The following LOC128092253 variants were observed in gnomAD, a reference collection of about 807,000 sequenced individuals.
At chr6:133,960,901 T>C in the LOC128092253 span, among the ~76,000 whole-genome samples, 2 of 152,194 alleles carry the variant, frequency 1.3e-5, no homozygotes, top group African/African-American at 2.4e-5. Flanking sequence ...ATGCTGAAGG[T>C]CAGTAGGTGT....
the LOC128092253 span, among the ~76,000 whole-genome samples, chr6:133,976,660 G>A: frequency 6.6e-6 from 1 of 152,106 alleles, no homozygotes; most frequent in African/African-American, 2.4e-5. Flanking sequence ...AAAAATACAA[G>A]GGACATGTTA....
the LOC128092253 span, among the ~76,000 whole-genome samples, chr6:133,976,338 A>G: frequency 2.9e-4 from 44 of 152,312 alleles, no homozygotes; most frequent in Admixed American, 7.8e-4. Flanking sequence ...ACAATGTTTC[A>G]GATACGATGT....
chr6:133,962,700 A>G, the LOC128092253 span, among the ~76,000 whole-genome samples: 1 of 152,232 alleles, frequency 6.6e-6, no homozygotes, highest in Non-Finnish European at 1.5e-5. Context: ...AGGCCTGAAA[A>G]GTTTAAAGAG....
the LOC128092253 span, among the ~76,000 whole-genome samples, chr6:133,970,740 A>G: frequency 2.0e-5 from 3 of 151,994 alleles, no homozygotes; most frequent in African/African-American, 7.3e-5. Flanking sequence ...AGCTGGAACC[A>G]CAGGCATGCA....
At chr6:133,975,522 A>C in the LOC128092253 span, among the ~76,000 whole-genome samples, 1 of 152,230 alleles carries the variant, frequency 6.6e-6, no homozygotes, top group Admixed American at 6.5e-5. Flanking sequence ...TTAAAAAAGA[A>C]AAAAGAAATA....
the LOC128092253 span, among the ~76,000 whole-genome samples, chr6:133,977,063 A>T: frequency 6.6e-6 from 1 of 152,018 alleles, no homozygotes; most frequent in African/African-American, 2.4e-5. Flanking sequence ...TAATATGTTT[A>T]GCTTTAGAAA....
chr6:133,970,714 C>T, the LOC128092253 span, among the ~76,000 whole-genome samples: 1 of 151,930 alleles, frequency 6.6e-6, no homozygotes. Flanking sequence ...GTTCAGTGCA[C>T]CTCAGCCTCC....
the LOC128092253 span, among the ~76,000 whole-genome samples, chr6:133,958,092 G>C: frequency 1.3e-5 from 2 of 152,190 alleles, no homozygotes; most frequent in Admixed American, 1.3e-4. Context: ...ATGGCAGATG[G>C]ACTAAGTAAA....
At chr6:133,979,030 A>G in the LOC128092253 span, among the ~76,000 whole-genome samples, 3 of 152,334 alleles carry the variant, frequency 2.0e-5, no homozygotes, top group East Asian at 1.9e-4. Context: ...CGTACTTAGT[A>G]AAAACTGGGG....
chr6:133,954,016 G>A, the LOC128092253 span, among the ~76,000 whole-genome samples: 1 of 152,194 alleles, frequency 6.6e-6, no homozygotes, highest in Non-Finnish European at 1.5e-5. Context: ...TGAATTGTGG[G>A]TAGGGCTAAG....
the LOC128092253 span, among the ~76,000 whole-genome samples, chr6:133,969,274 T>A: frequency 7.0e-6 from 1 of 143,126 alleles, no homozygotes; most frequent in Non-Finnish European, 1.5e-5. Context: ...TTTTTTTTTT[T>A]AGTAAATAGA....
At chr6:133,964,825 A>G in the LOC128092253 span, among the ~76,000 whole-genome samples, 7 of 152,348 alleles carry the variant, frequency 4.6e-5, no homozygotes, top group South Asian at 4.1e-4. Context: ...TGTGCATGAC[A>G]TAGACCTTAA....
the LOC128092253 span, among the ~76,000 whole-genome samples, chr6:133,959,129 T>C: frequency 5.9e-5 from 9 of 152,210 alleles, no homozygotes; most frequent in East Asian, 1.7e-3. Flanking sequence ...AACTTCGGCT[T>C]CCCAGGTTCA....
the LOC128092253 span, among the ~76,000 whole-genome samples, chr6:133,977,410 G>C: frequency 1.3e-5 from 2 of 152,140 alleles, no homozygotes; most frequent in Middle Eastern, 3.4e-3. Context: ...CATTCACACA[G>C]ATTTTCTTTA....
chr6:133,969,251 CTTTTT>C, the LOC128092253 span, among the ~76,000 whole-genome samples: 1 of 122,608 alleles, frequency 8.2e-6, no homozygotes, highest in Non-Finnish European at 1.7e-5. Context: ...ATAAAATACA[CTTTTT>C]TTTTTTTTTT....
the LOC128092253 span, among the ~76,000 whole-genome samples, chr6:133,966,957 G>C: frequency 2.2e-4 from 34 of 152,288 alleles, 1 homozygote; most frequent in African/African-American, 8.2e-4. Context: ...GTCAGTTCTT[G>C]CTTCTTTTTT....
At chr6:133,975,559 T>C in the LOC128092253 span, among the ~76,000 whole-genome samples, 4 of 152,154 alleles carry the variant, frequency 2.6e-5, no homozygotes, top group African/African-American at 4.8e-5. Context: ...CTAATGAGTC[T>C]AGTATAATCT....
At chr6:133,970,353 A>G in the LOC128092253 span, among the ~76,000 whole-genome samples, 1 of 152,202 alleles carries the variant, frequency 6.6e-6, no homozygotes, top group African/African-American at 2.4e-5. Flanking sequence ...GATACTGTAG[A>G]TATTTCAATA....
the LOC128092253 span, among the ~76,000 whole-genome samples, chr6:133,978,921 C>A: frequency 6.6e-6 from 1 of 152,104 alleles, no homozygotes; most frequent in East Asian, 1.9e-4. Context: ...ATGTTTTTAT[C>A]ATTTTCTGAT....
Sources: allele counts gnomAD v4.1 joint callset (sites outside exome capture counted in the v4.1 genomes callset), GRCh38; gene constraint gnomAD v4.1.1; transcripts MANE v1.5.